Variants in DYNC2LI1 observed in about 807,000 individuals in gnomAD.
The protein encoded by DYNC2LI1 is cytoplasmic dynein 2 light intermediate chain 1.
DYNC2LI1 carries 45 observed loss-of-function variants against 51.9 expected under a neutral mutation model. The observed-to-expected ratio is 0.87, with a 90% CI of 0.68 to 1.11. The LOEUF (loss-of-function observed/expected upper bound fraction) is 1.11, where lower values mean the gene tolerates loss of function less well. DYNC2LI1 is among the 50% of genes most tolerant of loss of function. The pLI, the probability that DYNC2LI1 is intolerant of heterozygous loss-of-function variation, is 0.00. For missense variants in DYNC2LI1, 490 were observed against 417.4 expected (o/e 1.17, Z -1.51); for synonymous variants, 130 against 137.8 (o/e 0.94, Z 0.40).
downstream of DYNC2LI1, chr2:43,812,999 T>C: frequency 1.4e-6 from 1 of 710,664 alleles, no homozygotes; most frequent in Non-Finnish European, 2.6e-6. Context: ...GTCTTAATGG[T>C]TAAAAGACTT....
At chr2:43,799,210 G>C (rs1572715068) in intron 8 of DYNC2LI1, among the ~76,000 whole-genome samples, 1 of 152,110 alleles carries the variant, frequency 6.6e-6, no homozygotes. Context: ...CTGAGGCAGG[G>C]ACGATTGCCT....
downstream of DYNC2LI1, chr2:43,812,530 G>A (rs2104737979): frequency 6.5e-6 from 1 of 153,076 alleles, no homozygotes; most frequent in East Asian, 1.9e-4. Flanking sequence ...ATCACTGGGT[G>A]CTCTGTAGCA....
chr2:43,790,469 A>G (rs532407556), intron 5 of DYNC2LI1, among the ~76,000 whole-genome samples: 1 of 152,250 alleles, frequency 6.6e-6, no homozygotes, highest in South Asian at 2.1e-4. Flanking sequence ...AGCTCCTTGG[A>G]GGATTGAATT....
At chr2:43,791,007 G>T (rs187485699) in intron 5 of DYNC2LI1, among the ~76,000 whole-genome samples, 7 of 152,086 alleles carry the variant, frequency 4.6e-5, no homozygotes, top group Non-Finnish European at 8.8e-5. Context: ...TTGAGGTCTG[G>T]AGTTCAAGAC....
downstream of DYNC2LI1, chr2:43,814,380 T>C (rs2104750512): frequency 1.2e-6 from 1 of 801,310 alleles, no homozygotes; most frequent in African/African-American, 1.7e-5. Context: ...ATTGAATTAT[T>C]ATAAAACACA....
chr2:43,823,922 C>T, the DYNC2LI1 span: 1 of 1,614,104 alleles, frequency 6.2e-7, no homozygotes, highest in South Asian at 1.1e-5. Flanking sequence ...CACAGATTCA[C>T]AGCGTTCAGC....
intron 2 of DYNC2LI1, among the ~76,000 whole-genome samples, chr2:43,778,164 AT>A (rs1673110270): frequency 6.6e-6 from 1 of 152,022 alleles, no homozygotes; most frequent in South Asian, 2.1e-4. Context: ...TTTTATAAGC[AT>A]GTTATTTCTT....
chr2:43,824,049 C>G, the DYNC2LI1 span: 1 of 1,614,200 alleles, frequency 6.2e-7, no homozygotes, highest in South Asian at 1.1e-5. Context: ...GGAACAAACC[C>G]ATGATCAGAT....
the DYNC2LI1 span, among the ~76,000 whole-genome samples, chr2:43,825,735 T>G: frequency 8.6e-5 from 13 of 151,942 alleles, no homozygotes; most frequent in African/African-American, 3.1e-4. Flanking sequence ...GCTTCCCGAA[T>G]AGCTGGGATT....
At position 43,789,720 on chromosome 2, in the gene DYNC2LI1, C is replaced by T. The variant is rs748032561; in HGVS notation, c.319C>T (p.Arg107Trp). The T allele has an allele frequency of 5.0e-6, 8 of 1,612,396 alleles. No individual in the cohort carries two copies. Among genetic ancestry groups the T allele is most frequent in the Admixed American group, 1.7e-5 (1 of 59,780 alleles). The change falls in exon 5 of 13, where the codon CGG becomes TGG. Residue 107 changes from arginine (R) to tryptophan (W), a missense_variant and splice_region_variant. Physicochemically the swap from Arg to Trp is moderately radical, Grantham distance 101. Coordinates refer to ENST00000260605, the MANE Select transcript of DYNC2LI1 (RefSeq NM_016008.4). ...ISIPITGDTL[R>W]TFSLVLVLDL... Reference sequence around the variant, plus strand: ...CATACCCATCACAGGTGACACCTTACGGTAAGTGAGCCAGCTCCAGGAAAA... The same window carrying T: ...CATACCCATCACAGGTGACACCTTATGGTAAGTGAGCCAGCTCCAGGAAAA...
chr2:43,775,392 A>G (rs190333868), intron 1 of DYNC2LI1, among the ~76,000 whole-genome samples: 14 of 152,284 alleles, frequency 9.2e-5, no homozygotes, highest in Admixed American at 2.0e-4. Context: ...ATTAATATAT[A>G]TATGATTTTA....
At chr2:43,786,490 C>G (rs749626410) in intron 3 of DYNC2LI1, among the ~76,000 whole-genome samples, 1 of 152,064 alleles carries the variant, frequency 6.6e-6, no homozygotes, top group Admixed American at 6.5e-5. Context: ...CCAAGTCTTG[C>G]ATTGATGTTT....
At chr2:43,810,195 A>G (rs1666433977), downstream of DYNC2LI1, among the ~76,000 whole-genome samples, 1 of 152,210 alleles carries the variant, frequency 6.6e-6, no homozygotes, top group South Asian at 2.1e-4. Context: ...GGGTTCACAG[A>G]TGTCAAAATT....
intron 5 of DYNC2LI1, chr2:43,794,236 T>G: frequency 2.4e-6 from 1 of 419,586 alleles, no homozygotes; most frequent in South Asian, 6.0e-5. Context: ...AACAGAAACT[T>G]AGTTCCACTA....
the DYNC2LI1 span, chr2:43,822,883 C>T: frequency 6.2e-7 from 1 of 1,614,158 alleles, no homozygotes; most frequent in Non-Finnish European, 8.5e-7. Flanking sequence ...TCTGCCACTT[C>T]TGGTAGAGGC....
At position 43,787,265 on chromosome 2, in the gene DYNC2LI1, A is replaced by C. The variant is rs1673568413; in HGVS notation, c.231+15A>C. 1 of 1,595,826 alleles carries C rather than the reference A, an allele frequency of 6.3e-7. No individual in the cohort carries two copies. Among genetic ancestry groups the C allele is most frequent in the African/African-American group, 1.3e-5 (1 of 74,544 alleles). Reference sequence around the variant, plus strand: ...GGCACAACACAGTAAGTGTCTTTTAAAGTGACATTGCTATGCCCATAGATG... The same window carrying C: ...GGCACAACACAGTAAGTGTCTTTTACAGTGACATTGCTATGCCCATAGATG... On this transcript the variant is annotated intron_variant, in intron 4 of 12. Coordinates refer to ENST00000260605, the MANE Select transcript of DYNC2LI1 (RefSeq NM_016008.4).
At chr2:43,804,000 A>G (rs955097058) in intron 10 of DYNC2LI1, among the ~76,000 whole-genome samples, 2 of 152,068 alleles carry the variant, frequency 1.3e-5, no homozygotes, top group Non-Finnish European at 2.9e-5. Context: ...CTTTACACAC[A>G]TGTGTATATA....
Position 43,794,568 on chromosome 2 carries a change from A to T in DYNC2LI1, c.432A>T (p.Lys144Asn). Reference protein sequence around the residue: ...TKSHVDKVIMKLGKTNAKAVS... With the variant: ...TKSHVDKVIMNLGKTNAKAVS... The stretch of plus-strand genomic sequence containing the variant: ...GCCATGTAGACAAAGTGATAATGAA[A>T]CTGGGAAAGACAAATGCTAAAGCAG... The change falls in exon 6 of 13, where the codon AAA (lysine) becomes AAT (asparagine). Residue 144 changes from lysine (K) to asparagine (N), a missense_variant. Coordinates refer to ENST00000260605, the MANE Select transcript of DYNC2LI1 (RefSeq NM_016008.4). The T allele has an allele frequency of 6.2e-7, 1 of 1,614,136 alleles. No homozygotes were observed. The highest frequency in any genetic ancestry group is 8.5e-7 in the Non-Finnish European group (1 of 1,180,012).
Position 43,798,235 on chromosome 2 carries a change from A to G in DYNC2LI1, c.654+1440A>G, listed in dbSNP as rs189082449. ...CTAGCCGCTTGCTTTCATGGCTAGA[A>G]TATTTTAACTGAAAGTAATATGTAC... On this transcript the variant is annotated intron_variant, in intron 8 of 12. Coordinates refer to ENST00000260605, the MANE Select transcript of DYNC2LI1 (RefSeq NM_016008.4). Among the ~76,000 whole-genome samples, 205 of 152,356 alleles carry G rather than the reference A, an allele frequency of 1.3e-3. No individual in the cohort carries two copies. The South Asian group carries it at 0.02, about 15-fold the overall frequency.
Sources: allele counts gnomAD v4.1 joint callset (sites outside exome capture counted in the v4.1 genomes callset), GRCh38; gene constraint gnomAD v4.1.1; transcripts MANE v1.5; gene names NCBI Gene and HGNC (gene_info 2026-07-23, HGNC 2026-07-21).